The following GLB1 variants were observed in gnomAD, a reference collection of about 807,000 sequenced individuals.
The protein encoded by GLB1 is beta-galactosidase.
Under a neutral mutation model 74.0 loss-of-function variants are expected in GLB1, and 56 were observed. The observed-to-expected ratio is 0.76, with a 90% CI of 0.61 to 0.94. The LOEUF (loss-of-function observed/expected upper bound fraction) is 0.94, where lower values mean the gene tolerates loss of function less well. Among genes scored for constraint, GLB1 ranks in the 40% least tolerant of loss-of-function variants. The probability of loss-of-function intolerance (pLI) is 0.00; values close to 1 mark genes in which losing one functional copy is unlikely to be tolerated. For synonymous variants in GLB1, 323 were observed against 323.6 expected (o/e 1.00, Z 0.02); for missense variants, 787 against 845.5 (o/e 0.93, Z 0.86).
intron 15 of GLB1, among the ~76,000 whole-genome samples, chr3:32,999,876 C>T (rs1559376182): frequency 6.6e-6 from 1 of 152,126 alleles, no homozygotes; most frequent in Non-Finnish European, 1.5e-5. Flanking sequence ...GTCTCCAACT[C>T]CTGGCCTCAA....
At chr3:32,984,634 C>T in the GLB1 span, among the ~76,000 whole-genome samples, 7 of 151,902 alleles carry the variant, frequency 4.6e-5, no homozygotes, top group South Asian at 1.5e-3. Context: ...AAAAAATTAG[C>T]TTGGTGTTAC....
intron 14 of GLB1, among the ~76,000 whole-genome samples, 196 bp from the exon 15 acceptor site, chr3:33,014,506 T>C (rs1485445160): frequency 6.6e-6 from 1 of 152,214 alleles, no homozygotes; most frequent in Non-Finnish European, 1.5e-5. Context: ...AAGAGATATA[T>C]TCCCCAAACT....
At chr3:32,963,847 C>T in the GLB1 span, among the ~76,000 whole-genome samples, 1 of 152,074 alleles carries the variant, frequency 6.6e-6, no homozygotes, top group African/African-American at 2.4e-5. Flanking sequence ...TCATAATCTG[C>T]CAAAGCAATA....
chr3:33,039,257 T>G (rs1575437398), intron 10 of GLB1, among the ~76,000 whole-genome samples: 2 of 123,870 alleles, frequency 1.6e-5, no homozygotes, highest in Admixed American at 1.1e-4. Context: ...ACCACTGCAC[T>G]CCAGCCTGGG....
the GLB1 span, among the ~76,000 whole-genome samples, chr3:32,977,852 A>G: frequency 1.5e-3 from 236 of 152,258 alleles, 1 homozygote; most frequent in African/African-American, 5.5e-3. Context: ...AGAGTTTACT[A>G]TCTGTTCTAT....
chr3:33,076,183 C>A (rs966999097), intron 1 of GLB1, among the ~76,000 whole-genome samples: 2 of 152,196 alleles, frequency 1.3e-5, no homozygotes, highest in South Asian at 2.1e-4. Flanking sequence ...GAACCACTGG[C>A]CTGAGCCAAG....
At chr3:33,082,340 A>C (rs9826234) in intron 1 of GLB1, among the ~76,000 whole-genome samples, 32,849 of 152,098 alleles carry the variant, frequency 0.22, 5,627 homozygotes, top group African/African-American at 0.46. Context: ...GAACCCTCAT[A>C]ATGAGTAGGA....
At chr3:33,045,375 C>T in intron 10 of GLB1, 1 of 984,970 alleles carries the variant, frequency 1.0e-6, no homozygotes, top group Non-Finnish European at 1.2e-6. Context: ...GCTACCTCTA[C>T]TTTTATATAA....
At chr3:33,078,079 T>C (rs971835342) in intron 1 of GLB1, among the ~76,000 whole-genome samples, 1 of 151,872 alleles carries the variant, frequency 6.6e-6, no homozygotes, top group Non-Finnish European at 1.5e-5. Context: ...TTGTTTAAAA[T>C]AAATAAACAA....
intron 10 of GLB1, among the ~76,000 whole-genome samples, chr3:33,027,640 G>T (rs750066746): frequency 1.3e-5 from 2 of 152,124 alleles, no homozygotes; most frequent in Non-Finnish European, 2.9e-5. Context: ...AAATTAGCCA[G>T]GCATGGTGGC....
chr3:33,018,484 AT>A lies in GLB1; in HGVS notation c.1310del (p.Asn437MetfsTer24), dbSNP rs2125469935. 6.2e-7 allele frequency: 1 copy of A among 1,614,034 alleles called. No individual in the cohort carries two copies. The highest frequency in any genetic ancestry group is 1.1e-5 in the South Asian group (1 of 91,068). On this transcript the variant is annotated frameshift_variant, in exon 13 of 16. Transcript: ENST00000307363. LOFTEE classifies it high-confidence loss of function. ...CAACATATGCTCGATCGTGGACTCC[AT>A]TGAGGGGTGAAGAGAGAGGTGCTGG... ...SNPAPLSSPL[N>X]GVHDRAYVAV...
chr3:32,961,516 C>T, the GLB1 span, among the ~76,000 whole-genome samples: 3 of 152,136 alleles, frequency 2.0e-5, no homozygotes, highest in Non-Finnish European at 4.4e-5. Context: ...TGCCAAATTT[C>T]AAATTTGCAG....
At chr3:33,078,580 G>C (rs1208405962) in intron 1 of GLB1, among the ~76,000 whole-genome samples, 1 of 151,984 alleles carries the variant, frequency 6.6e-6, no homozygotes, top group Non-Finnish European at 1.5e-5. Flanking sequence ...CCAAAATGTG[G>C]GACATTTTAA....
At chr3:33,038,043 A>T (rs1698351495) in intron 10 of GLB1, 2 of 142,560 alleles carry the variant, frequency 1.4e-5, no homozygotes, top group African/African-American at 5.0e-5. Context: ...AAAAAAAAAA[A>T]AAAGGCTCAG....
the GLB1 span, among the ~76,000 whole-genome samples, chr3:32,972,918 C>T: frequency 6.6e-6 from 1 of 152,154 alleles, no homozygotes; most frequent in African/African-American, 2.4e-5. Flanking sequence ...TTGTGAAGAC[C>T]CTGTTTCCCT....
rs1015119420 is a variant in GLB1, at chr3:33,060,297, A to G, written c.553-2028T>C. Among the ~76,000 whole-genome samples the G allele has an allele frequency of 4.8e-4, 73 of 152,346 alleles. 1 individual carries two copies. The highest frequency in any genetic ancestry group is 7.3e-5 in the Non-Finnish European group (5 of 68,030). On this transcript the variant is annotated intron_variant, in intron 5 of 15. Transcript: ENST00000307363. ...CAGAGACTTCACTGGTCATGAAACC[A>G]TCCTGGAAGAGGAAGTATTTGCTGC...
intron 1 of GLB1, among the ~76,000 whole-genome samples, chr3:33,082,156 C>A (rs1465650887): frequency 6.6e-6 from 1 of 152,236 alleles, no homozygotes; most frequent in African/African-American, 2.4e-5. Flanking sequence ...CATGGTAGCA[C>A]CAGGGAACCT....
At chr3:33,091,530 T>C (rs926903470) in intron 1 of GLB1, 1 of 985,392 alleles carries the variant, frequency 1.0e-6, no homozygotes, top group African/African-American at 1.7e-5. Context: ...CAAGCTCCAC[T>C]GGAACGTTGA....
rs576222977 is a variant in GLB1, at chr3:33,093,642, G to A, written c.75+3369C>T. 3.8e-5 allele frequency: 62 copies of A among 1,614,142 alleles called. No homozygotes were observed. Among genetic ancestry groups the A allele is most frequent in the South Asian group, 2.3e-4 (21 of 91,088 alleles). On this transcript the variant is annotated intron_variant, in intron 1 of 15. Coordinates refer to ENST00000307363, the MANE Select transcript of GLB1 (RefSeq NM_000404.4). This position sits in a 1 kb window ranked among gnomAD's most constrained non-coding sequence, Gnocchi z 6.0. ...CACAGTTTTCACAGCCGGGGGCTGC[G>A]CGGCATTCAGAATCCCGGCCACGCT...
Sources: allele counts gnomAD v4.1 joint callset (sites outside exome capture counted in the v4.1 genomes callset), GRCh38; gene constraint gnomAD v4.1.1; non-coding constraint Gnocchi (gnomAD v3.1); transcripts MANE v1.5; gene names NCBI Gene and HGNC (gene_info 2026-07-23, HGNC 2026-07-21).